The following KCNH1 variants were observed in gnomAD, a reference collection of about 807,000 sequenced individuals.
KCNH1 encodes the protein voltage-gated delayed rectifier potassium channel KCNH1.
A neutral mutation model predicts 69.2 loss-of-function variants in KCNH1; 27 were observed. The observed-to-expected ratio is 0.39, with a 90% confidence interval of 0.29 to 0.54. The LOEUF is 0.54. Ranked by LOEUF, KCNH1 falls within the 20% of genes least tolerant of loss-of-function variation. The pLI is 0.68. For missense variants in KCNH1, 798 were observed against 1,261.6 expected, an observed-to-expected ratio of 0.63 and a Z score of 5.57; for synonymous variants, 456 against 487.7, an observed-to-expected ratio of 0.93 and a Z score of 0.86.
chr1:210,729,746 A>T (rs115248707), intron 10 of KCNH1, among the ~76,000 whole-genome samples: 2,194 of 152,112 alleles, frequency 0.014, 27 homozygotes, highest in Non-Finnish European at 0.024. Flanking sequence ...TAGGAAACTG[A>T]TAAAACCTTT....
At chr1:211,069,279 T>C (rs1240811979) in intron 5 of KCNH1, among the ~76,000 whole-genome samples, 245 of 70,744 alleles carry the variant, frequency 3.5e-3, no homozygotes, top group Non-Finnish European at 5.3e-3. Flanking sequence ...AGAACATTCC[T>C]CCCCCACCCC....
At chr1:211,070,914 G>A (rs944202839) in intron 5 of KCNH1, among the ~76,000 whole-genome samples, 15 of 151,822 alleles carry the variant, frequency 9.9e-5, no homozygotes, top group African/African-American at 3.4e-4. Flanking sequence ...GCAGGAGTTA[G>A]GGACACCGAT....
At chr1:210,957,633 G>C (rs551663838) in intron 6 of KCNH1, among the ~76,000 whole-genome samples, 6 of 152,016 alleles carry the variant, frequency 3.9e-5, no homozygotes, top group Non-Finnish European at 8.8e-5. Context: ...GTTAGTTAGC[G>C]CTTCTTGTTG....
At chr1:210,979,255 A>C (rs1343937968) in intron 6 of KCNH1, among the ~76,000 whole-genome samples, 1 of 152,222 alleles carries the variant, frequency 6.6e-6, no homozygotes, top group Non-Finnish European at 1.5e-5. Context: ...AAGAAAAAAC[A>C]TCGGAAACTC....
At chr1:210,740,433 G>A (rs553807113) in intron 10 of KCNH1, among the ~76,000 whole-genome samples, 9 of 151,870 alleles carry the variant, frequency 5.9e-5, no homozygotes, top group South Asian at 4.2e-4. Context: ...TTCTATATTC[G>A]GTTCTGCTTC....
In KCNH1 at chr1:210,725,210, G is replaced by A. The variant is rs536658097; in HGVS notation, c.2113-41072C>T. 1.7e-4 allele frequency among the ~76,000 whole-genome samples: 26 copies of A among 152,278 alleles called. No individual in the cohort carries two copies. In the South Asian group the frequency reaches 5.4e-3, roughly 32 times the overall value. On this transcript the variant is annotated intron_variant, in intron 10 of 10. Coordinates refer to ENST00000271751, the MANE Select transcript of KCNH1 (RefSeq NM_172362.3). ...GGCATCCCAATGCCCATAGCCCGTAGCTGCACTACACAGACACATTTCACT... is the reference window on the plus strand; with the variant it reads ...GGCATCCCAATGCCCATAGCCCGTAACTGCACTACACAGACACATTTCACT...
chr1:211,028,516 T>A (rs1689724502), intron 5 of KCNH1, among the ~76,000 whole-genome samples: 1 of 151,448 alleles, frequency 6.6e-6, no homozygotes, highest in South Asian at 2.1e-4. Context: ...TTTGAAAAGA[T>A]CAGTAACATA....
intron 5 of KCNH1, among the ~76,000 whole-genome samples, chr1:211,065,425 TA>T (rs1274422777): frequency 6.6e-6 from 1 of 152,108 alleles, no homozygotes; most frequent in East Asian, 1.9e-4. Flanking sequence ...ATGTGGAACC[TA>T]AAAAAAGTTG....
Position 211,070,430 on chromosome 1 carries a change from AACACAC to A in KCNH1, c.558+12344_558+12349del, listed in dbSNP as rs57063242. On this transcript the variant is annotated intron_variant, in intron 5 of 10. Transcript: ENST00000271751. ...GAGACTCCACCTTTAAAAAAAAAAA[AACACAC>A]ACACACACACACACACACACACAAA... Among the ~76,000 whole-genome samples the A allele has an allele frequency of 1.0e-4, 14 of 137,164 alleles. No individual in the cohort carries two copies. In the South Asian group the frequency reaches 1.4e-3, roughly 14 times the overall value. The allele number at this position is 137,164 out of a possible 152,430, so 90.0% of individuals were successfully genotyped here.
At chr1:210,754,705 AG>A (rs1683355667) in intron 10 of KCNH1, among the ~76,000 whole-genome samples, 1 of 152,146 alleles carries the variant, frequency 6.6e-6, no homozygotes, top group East Asian at 1.9e-4. Flanking sequence ...CCTCCCCAGA[AG>A]CCAAGCAGAT....
At chr1:210,842,311 A>T (rs1685428985) in intron 7 of KCNH1, among the ~76,000 whole-genome samples, 1 of 152,134 alleles carries the variant, frequency 6.6e-6, no homozygotes, top group South Asian at 2.1e-4. Context: ...TAAAACCCCA[A>T]ATATAACAAG....
At chr1:211,064,745 A>T (rs1330877446) in intron 5 of KCNH1, among the ~76,000 whole-genome samples, 1 of 152,168 alleles carries the variant, frequency 6.6e-6, no homozygotes, top group Non-Finnish European at 1.5e-5. Context: ...AAATCTGATA[A>T]GGAGTTAATA....
intron 10 of KCNH1, 87 bp from the exon 11 acceptor site, chr1:210,684,225 C>T: frequency 7.3e-7 from 1 of 1,365,200 alleles, no homozygotes; most frequent in Non-Finnish European, 9.6e-7. Context: ...CCTATCTTGG[C>T]CCTCTGCTTC....
intron 10 of KCNH1, among the ~76,000 whole-genome samples, chr1:210,748,098 A>G (rs943599450): frequency 6.6e-6 from 1 of 152,194 alleles, no homozygotes; most frequent in South Asian, 2.1e-4. Flanking sequence ...GCACAGCTGC[A>G]TGGGTGTGAA....
In KCNH1 at chr1:211,032,822, T is replaced by C. The variant is rs544608175; in HGVS notation, c.559-13566A>G. On this transcript the variant is annotated intron_variant, in intron 5 of 10. Transcript: ENST00000271751. ...ACCATAAAAACCCTAGAAGAAAACC[T>C]AGGCAATACCATTCAGGACATAGGC... Among the ~76,000 whole-genome samples, 14 of 152,268 alleles carry C rather than the reference T, an allele frequency of 9.2e-5. No individual in the cohort carries two copies. The South Asian group carries it at 1.2e-3, about 14-fold the overall frequency.
chr1:210,684,556 C>T (rs534886408), intron 10 of KCNH1, among the ~76,000 whole-genome samples: 2 of 152,194 alleles, frequency 1.3e-5, no homozygotes, highest in African/African-American at 4.8e-5. Flanking sequence ...TCTGGCCCCA[C>T]TTCAGACCTA....
At chr1:210,921,258 C>T (rs886183635) in intron 6 of KCNH1, among the ~76,000 whole-genome samples, 6 of 152,168 alleles carry the variant, frequency 3.9e-5, no homozygotes, top group Admixed American at 6.5e-5. Flanking sequence ...GGGAAGTTTC[C>T]GTTAGCTTTT....
At chr1:210,797,141 A>G (rs1684331395) in intron 9 of KCNH1, among the ~76,000 whole-genome samples, 1 of 152,238 alleles carries the variant, frequency 6.6e-6, no homozygotes, top group South Asian at 2.1e-4. Context: ...TCTCTTCTCC[A>G]TGCTAACTCA....
intron 7 of KCNH1, among the ~76,000 whole-genome samples, chr1:210,805,248 T>C (rs542377064): frequency 1.3e-5 from 2 of 152,330 alleles, no homozygotes; most frequent in African/African-American, 4.8e-5. Context: ...TACCAGTACT[T>C]AATAAATATT....
Sources: gnomAD v4.1 joint callset for allele counts (sites outside exome capture counted in the v4.1 genomes callset) on GRCh38, gnomAD v4.1.1 for gene constraint, MANE v1.5 for transcripts, NCBI Gene and HGNC (gene_info 2026-07-23, HGNC 2026-07-21) for gene names.